The following FER1L6 variants were observed in gnomAD, a reference collection of about 807,000 sequenced individuals.
FER1L6 encodes fer-1-like protein 6.
In FER1L6, 177 loss-of-function variants were observed where a neutral mutation model predicts 219.2. The observed-to-expected ratio is 0.81, with a 90% CI of 0.71 to 0.91. The LOEUF is 0.91. FER1L6 is among the 40% of genes least tolerant of loss of function. FER1L6 has a pLI of 0.00. For missense variants in FER1L6, 2,153 were observed against 2,259.9 expected, an observed-to-expected ratio of 0.95 and a Z score of 0.96; for synonymous variants, 768 against 824.3, an observed-to-expected ratio of 0.93 and a Z score of 1.17.
intron 22 of FER1L6, among the ~76,000 whole-genome samples, chr8:124,055,459 C>T (rs190158393): frequency 1.8e-3 from 280 of 152,292 alleles, no homozygotes; most frequent in Non-Finnish European, 3.3e-3. Flanking sequence ...ACTGTTGGGC[C>T]ATTCCCTGGG....
At chr8:123,963,972 A>G (rs1185168105) in intron 3 of FER1L6, among the ~76,000 whole-genome samples, 1 of 152,246 alleles carries the variant, frequency 6.6e-6, no homozygotes, top group African/African-American at 2.4e-5. Context: ...GTCATTTGGC[A>G]GCTCTGCTGG....
chr8:123,921,920 C>A (rs1813375371), intron 1 of FER1L6, among the ~76,000 whole-genome samples: 1 of 152,170 alleles, frequency 6.6e-6, no homozygotes, highest in Admixed American at 6.5e-5. Context: ...AGACCTTGGG[C>A]AAGTTCATTC....
intron 22 of FER1L6, among the ~76,000 whole-genome samples, chr8:124,054,052 C>A (rs1820169736): frequency 6.6e-6 from 1 of 152,182 alleles, no homozygotes; most frequent in East Asian, 1.9e-4. Flanking sequence ...TCTTTATCCA[C>A]AGCCAGGCCC....
At chr8:123,951,026 G>C (rs1474863893) in intron 1 of FER1L6, among the ~76,000 whole-genome samples, 2 of 152,364 alleles carry the variant, frequency 1.3e-5, no homozygotes, top group African/African-American at 4.8e-5. Context: ...TGCAGCCTAT[G>C]CAAATGTATC....
rs1821024591 is a variant in FER1L6 at position 124,070,513 on chromosome 8, G to A, written c.3881G>A (p.Trp1294Ter). 6.2e-7 allele frequency: 1 copy of A among 1,613,662 alleles called. No homozygotes were observed. ...AGTGAATTCAACAATTTTGAAGACT[G>A]GGTGAAAACTTTTGAGCTCTTCAGA... The part of the protein sequence containing the change: ...LESEFNNFED[W>*]VKTFELFRGK... Residue 1294 changes from tryptophan to a stop codon, truncating the protein, a stop_gained, in exon 30 of 41, where the codon TGG (tryptophan) becomes TAG (stop). Transcript: ENST00000522917. LOFTEE classifies it high-confidence loss of function.
intron 1 of FER1L6, among the ~76,000 whole-genome samples, chr8:123,861,713 G>T (rs1816748189): frequency 8.2e-6 from 1 of 121,240 alleles, no homozygotes; most frequent in African/African-American, 3.6e-5. Context: ...TTGTAAGTTG[G>T]ATTCCTAGGT....
intron 1 of FER1L6, among the ~76,000 whole-genome samples, chr8:123,880,075 T>C (rs1275380629): frequency 6.6e-6 from 1 of 152,158 alleles, no homozygotes; most frequent in Non-Finnish European, 1.5e-5. Flanking sequence ...AAAATTATGA[T>C]TATCCCTAAG....
chr8:124,069,506 G>T (rs759664070), intron 29 of FER1L6, 31 bp downstream of exon 29: 6 of 1,468,380 alleles, frequency 4.1e-6, no homozygotes, highest in Non-Finnish European at 5.6e-6. Flanking sequence ...CTCTGCCATG[G>T]ATGGGGAGGG....
At chr8:123,869,681 T>C (rs1368880852) in intron 1 of FER1L6, among the ~76,000 whole-genome samples, 2 of 152,240 alleles carry the variant, frequency 1.3e-5, no homozygotes, top group East Asian at 3.8e-4. Flanking sequence ...TTGTAGATAT[T>C]GACAAGTAAT....
At chr8:124,005,182 C>T (rs1481146769) in intron 13 of FER1L6, among the ~76,000 whole-genome samples, 1 of 152,162 alleles carries the variant, frequency 6.6e-6, no homozygotes, top group East Asian at 1.9e-4. Context: ...GCAACAACAC[C>T]TCCTACCTGG....
At chr8:123,968,067 AT>A (rs1325440863) in intron 5 of FER1L6, among the ~76,000 whole-genome samples, 1 of 152,182 alleles carries the variant, frequency 6.6e-6, no homozygotes, top group African/African-American at 2.4e-5. Flanking sequence ...ATTGGAGCTA[AT>A]GACTCCTTTC....
At chr8:124,110,929 C>G (rs1822997413) in intron 39 of FER1L6, among the ~76,000 whole-genome samples, 1 of 151,924 alleles carries the variant, frequency 6.6e-6, no homozygotes, top group Non-Finnish European at 1.5e-5. Context: ...CTTCTCAAAT[C>G]TTTATGACAG....
At chr8:124,078,474 C>A (rs1821387195) in intron 32 of FER1L6, among the ~76,000 whole-genome samples, 2 of 152,170 alleles carry the variant, frequency 1.3e-5, no homozygotes, top group African/African-American at 4.8e-5. Context: ...CTTGCTATGC[C>A]CTCACCATGA....
intron 1 of FER1L6, among the ~76,000 whole-genome samples, chr8:123,865,869 C>A (rs532785219): frequency 1.3e-5 from 2 of 151,486 alleles, no homozygotes; most frequent in African/African-American, 2.5e-5. Context: ...CACTGGCCTG[C>A]GCCCACTGTC....
At chr8:123,934,368 T>A (rs1379543245) in intron 1 of FER1L6, among the ~76,000 whole-genome samples, 2 of 151,642 alleles carry the variant, frequency 1.3e-5, no homozygotes, top group South Asian at 2.1e-4. Flanking sequence ...TTAGTCACAA[T>A]GTTTCTAGTC....
chr8:124,078,352 C>T (rs1821382612), intron 32 of FER1L6, among the ~76,000 whole-genome samples: 1 of 152,136 alleles, frequency 6.6e-6, no homozygotes, highest in African/African-American at 2.4e-5. Flanking sequence ...AGAATGTTTG[C>T]CATTGTCTCC....
intron 20 of FER1L6, among the ~76,000 whole-genome samples, 170 bp from the exon 21 acceptor site, chr8:124,045,597 T>A (rs1336160160): frequency 1.3e-5 from 2 of 152,224 alleles, no homozygotes; most frequent in African/African-American, 4.8e-5. Context: ...CCTAGCATTG[T>A]TTAGTACATA....
intron 29 of FER1L6, among the ~76,000 whole-genome samples, chr8:124,070,192 A>C (rs1168026337): frequency 2.0e-5 from 3 of 152,160 alleles, no homozygotes; most frequent in African/African-American, 7.2e-5. Context: ...ACTAGCTCTA[A>C]AAGGTTTGTT....
At chr8:124,040,880 C>T (rs889900616) in intron 20 of FER1L6, 2 of 152,126 alleles carry the variant, frequency 1.3e-5, no homozygotes, top group African/African-American at 2.4e-5. Context: ...TTAAAGGTCC[C>T]GCCTCTCAAT....
Sources: gnomAD v4.1 joint callset for allele counts (sites outside exome capture counted in the v4.1 genomes callset) on GRCh38, gnomAD v4.1.1 for gene constraint, MANE v1.5 for transcripts, NCBI Gene and HGNC (gene_info 2026-07-23, HGNC 2026-07-21) for gene names.